The following STK32B variants were observed in gnomAD, a reference collection of about 807,000 sequenced individuals.
The protein encoded by STK32B is serine/threonine-protein kinase 32B.
A neutral mutation model predicts 52.6 loss-of-function variants in STK32B; 43 were observed. The ratio of observed to expected loss-of-function variants is 0.82; its 90% confidence interval spans 0.64 to 1.05. The LOEUF is 1.05. Ranked by LOEUF, STK32B falls within the 50% of genes least tolerant of loss-of-function variation. STK32B has a pLI of 0.00. For synonymous variants in STK32B, 238 were observed against 204.3 expected, an observed-to-expected ratio of 1.17 and a Z score of -1.41; for missense variants, 621 against 534.6, an observed-to-expected ratio of 1.16 and a Z score of -1.59.
chr4:5,140,011 G>T (rs770225061), intron 2 of STK32B, 51 bp downstream of exon 2: 5 of 1,603,552 alleles, frequency 3.1e-6, no homozygotes, highest in Non-Finnish European at 4.3e-6. Flanking sequence ...GTGTATATTT[G>T]TGTGTCTGTG....
intron 2 of STK32B, among the ~76,000 whole-genome samples, chr4:5,155,430 C>T (rs567058302): frequency 3.3e-5 from 5 of 152,196 alleles, no homozygotes; most frequent in Non-Finnish European, 7.3e-5. Flanking sequence ...AAGCAGTATA[C>T]ATGCACACAC....
chr4:5,136,494 G>A (rs16836685), intron 1 of STK32B, among the ~76,000 whole-genome samples: 15,326 of 152,246 alleles, frequency 0.1, 1,065 homozygotes, highest in Admixed American at 0.23. Flanking sequence ...GATGGAATGG[G>A]TTCCTGTTCA....
intron 1 of STK32B, among the ~76,000 whole-genome samples, chr4:5,077,294 T>C (rs1473230692): frequency 6.6e-6 from 1 of 152,026 alleles, no homozygotes; most frequent in Non-Finnish European, 1.5e-5. Flanking sequence ...CCCACTACCT[T>C]GTCTATCTCC....
chr4:5,237,829 CAGTG>C (rs1399543459), intron 3 of STK32B, among the ~76,000 whole-genome samples: 5 of 152,184 alleles, frequency 3.3e-5, no homozygotes. Flanking sequence ...TGGAGATTGA[CAGTG>C]AGTTTTCTGG....
chr4:5,021,208 T>C, the STK32B span, among the ~76,000 whole-genome samples: 1 of 152,238 alleles, frequency 6.6e-6, no homozygotes, highest in African/African-American at 2.4e-5. Flanking sequence ...CGCTGGGCGA[T>C]GTCTGAGGTT....
At chr4:5,219,364 A>C (rs1723381369) in intron 3 of STK32B, among the ~76,000 whole-genome samples, 1 of 152,248 alleles carries the variant, frequency 6.6e-6, no homozygotes, top group Non-Finnish European at 1.5e-5. Context: ...CGTGGGCCTG[A>C]CAACACTACA....
the STK32B span, among the ~76,000 whole-genome samples, chr4:5,032,967 G>A: frequency 6.6e-6 from 1 of 152,100 alleles, no homozygotes; most frequent in South Asian, 2.1e-4. Context: ...TCTATAAAAT[G>A]GAGGCCACAC....
chr4:5,218,944 G>A (rs1723350266), intron 3 of STK32B, among the ~76,000 whole-genome samples: 1 of 152,152 alleles, frequency 6.6e-6, no homozygotes, highest in Non-Finnish European at 1.5e-5. Flanking sequence ...CACTGAGCTT[G>A]TTTTCTCAGC....
chr4:5,098,020 T>G (rs1481945181), intron 1 of STK32B, among the ~76,000 whole-genome samples: 2 of 152,220 alleles, frequency 1.3e-5, no homozygotes, highest in East Asian at 3.9e-4. Flanking sequence ...CTGTTCCACG[T>G]GATCTCTTAC....
At chr4:5,441,657 G>A (rs1187324340) in intron 6 of STK32B, among the ~76,000 whole-genome samples, 1 of 152,028 alleles carries the variant, frequency 6.6e-6, no homozygotes, top group African/African-American at 2.4e-5. Flanking sequence ...TTTTGAATGT[G>A]TTTGCTCTTG....
chr4:5,282,319 C>T lies in STK32B; in HGVS notation c.261-48901C>T, dbSNP rs1253251455. Among the ~76,000 whole-genome samples, 6 of 152,184 alleles carry T rather than the reference C, an allele frequency of 3.9e-5. No homozygotes were observed. The East Asian group carries it at 1.2e-3, about 29-fold the overall frequency. ...GCCAAAATCTACAGATTCTCAAGTC[C>T]CTTATATAAAATGCCACAATATAGT... On this transcript the variant is annotated intron_variant, in intron 3 of 11. Coordinates refer to ENST00000282908, the MANE Select transcript of STK32B (RefSeq NM_018401.3).
intron 6 of STK32B, among the ~76,000 whole-genome samples, chr4:5,428,263 C>T (rs1408340770): frequency 6.6e-6 from 1 of 151,884 alleles, no homozygotes; most frequent in East Asian, 1.9e-4. Flanking sequence ...AAAAAATTAG[C>T]CAGGCATAGT....
In STK32B at chr4:5,453,886, C is replaced by A. The variant is rs1246433241; in HGVS notation, c.667-2921C>A. On this transcript the variant is annotated intron_variant, in intron 7 of 11. Transcript: ENST00000282908. This position sits in a 1 kb window ranked among gnomAD's most constrained non-coding sequence, Gnocchi z 4.0. ...TACCATTGCACTCCAGTCTAGGCGA[C>A]AAGAGTGAAACTCCATCTAAAAAAA... Among the ~76,000 whole-genome samples the A allele has an allele frequency of 6.6e-6, 1 of 151,578 alleles. No individual in the cohort carries two copies. The highest frequency in any genetic ancestry group is 1.5e-5 in the Non-Finnish European group (1 of 67,950).
intron 3 of STK32B, among the ~76,000 whole-genome samples, chr4:5,314,426 T>A (rs927845647): frequency 6.6e-6 from 1 of 152,132 alleles, no homozygotes; most frequent in South Asian, 2.1e-4. Flanking sequence ...TCCCAGCACT[T>A]TGGGAGGCTG....
At chr4:5,463,287 G>C (rs114373403) in intron 9 of STK32B, among the ~76,000 whole-genome samples, 9 of 152,146 alleles carry the variant, frequency 5.9e-5, no homozygotes, top group African/African-American at 1.7e-4. Flanking sequence ...GCACTTCCTC[G>C]AGTGCTGTCT....
At position 5,416,062 on chromosome 4, in the gene STK32B, T is replaced by C. The variant is rs148514231; in HGVS notation, c.473-783T>C. On this transcript the variant is annotated intron_variant, in intron 5 of 11. Coordinates refer to ENST00000282908, the MANE Select transcript of STK32B (RefSeq NM_018401.3). ...ATAGAGAGAAATGTAATTGCAGTTATAACTATTATCCAAGGCTTTCTGAGC... is the reference window on the plus strand; with the variant it reads ...ATAGAGAGAAATGTAATTGCAGTTACAACTATTATCCAAGGCTTTCTGAGC... Among the ~76,000 whole-genome samples, 857 of 152,332 alleles carry C rather than the reference T, an allele frequency of 5.6e-3. 15 individuals carry two copies. The highest frequency in any genetic ancestry group is 0.02 in the African/African-American group (816 of 41,564).
intron 1 of STK32B, among the ~76,000 whole-genome samples, chr4:5,116,202 G>A (rs990005916): frequency 2.7e-5 from 4 of 148,386 alleles, no homozygotes; most frequent in Admixed American, 6.6e-5. Flanking sequence ...ACACACACAC[G>A]CACACGGGAT....
At chr4:5,187,758 A>T (rs1239546102) in intron 3 of STK32B, among the ~76,000 whole-genome samples, 1 of 152,224 alleles carries the variant, frequency 6.6e-6, no homozygotes, top group Non-Finnish European at 1.5e-5. Flanking sequence ...ATGATGAGCT[A>T]GTATAAGCCG....
intron 6 of STK32B, among the ~76,000 whole-genome samples, chr4:5,426,001 A>G (rs1713059491): frequency 6.6e-6 from 1 of 152,170 alleles, no homozygotes; most frequent in Admixed American, 6.5e-5. Context: ...TCTGTTCATC[A>G]GTTGAGGGGC....
Sources: allele counts gnomAD v4.1 joint callset (sites outside exome capture counted in the v4.1 genomes callset), GRCh38; gene constraint gnomAD v4.1.1; non-coding constraint Gnocchi (gnomAD v3.1); transcripts MANE v1.5; gene names NCBI Gene and HGNC (gene_info 2026-07-23, HGNC 2026-07-21).